The following DCHS2 variants were observed in gnomAD, a reference collection of about 807,000 sequenced individuals.
DCHS2 encodes the protein dachsous cadherin-related 2.
In DCHS2, 142 loss-of-function variants were observed where a neutral mutation model predicts 182.4. The observed-to-expected ratio is 0.78, with a 90% confidence interval of 0.68 to 0.89. DCHS2 has a LOEUF of 0.89. DCHS2 is among the 40% of genes least tolerant of loss of function. DCHS2 has a pLI of 0.00. For missense variants in DCHS2, 4,319 were observed against 4,198.6 expected (o/e 1.03, Z -0.79); for synonymous variants, 1,740 against 1,663.3 (o/e 1.05, Z -1.12).
chr4:154,339,490 C>G (rs1728962715), intron 3 of DCHS2, among the ~76,000 whole-genome samples: 1 of 150,592 alleles, frequency 6.6e-6, no homozygotes, highest in African/African-American at 2.5e-5. Flanking sequence ...CACTCTGTTG[C>G]CCAGGCTGGA....
chr4:154,378,630 C>T (rs1186075996), intron 1 of DCHS2, among the ~76,000 whole-genome samples: 2 of 152,126 alleles, frequency 1.3e-5, no homozygotes, highest in African/African-American at 2.4e-5. Context: ...CACATACTTA[C>T]AACCTATAGG....
chr4:154,322,689 T>C, intron 7 of DCHS2: 1 of 618,576 alleles, frequency 1.6e-6, no homozygotes, highest in Non-Finnish European at 2.5e-6. Context: ...TACAAAAAAG[T>C]GGACAAAATG....
intron 10 of DCHS2, among the ~76,000 whole-genome samples, chr4:154,309,122 G>A (rs1283500944): frequency 2.0e-5 from 3 of 152,086 alleles, no homozygotes; most frequent in South Asian, 2.1e-4. Context: ...AACATACTAA[G>A]CATCTTTCTG....
Position 154,321,038 on chromosome 4 carries a change from A to G in DCHS2, c.4361T>C (p.Ile1454Thr). 6.2e-7 allele frequency: 1 copy of G among 1,613,614 alleles called. No individual in the cohort carries two copies. Among genetic ancestry groups the G allele is most frequent in the Non-Finnish European group, 8.5e-7 (1 of 1,179,714 alleles). ...AAACAAGTCTCCGGTTGAGCTGTCTATTTCAAAGTGTCCATCCTTATCATC... is the reference window on the plus strand; with the variant it reads ...AAACAAGTCTCCGGTTGAGCTGTCTGTTTCAAAGTGTCCATCCTTATCATC... Reference protein sequence around the residue: ...VADDKDGHFEIDSSTGDLFLS... With the variant: ...VADDKDGHFETDSSTGDLFLS... Residue 1454 changes from isoleucine to threonine, a missense_variant, in exon 9 of 20, where the codon ATA becomes ACA. By Grantham distance (89) the Ile-to-Thr change is moderately conservative. Coordinates refer to ENST00000357232, the MANE Select transcript of DCHS2 (RefSeq NM_001358235.2).
chr4:154,253,418 C>T (rs1452413323), intron 16 of DCHS2, among the ~76,000 whole-genome samples: 1 of 152,098 alleles, frequency 6.6e-6, no homozygotes, highest in Non-Finnish European at 1.5e-5. Context: ...AATTAGGTTC[C>T]ATTGAGTAAG....
chr4:154,346,213 A>G (rs558960410), intron 3 of DCHS2, among the ~76,000 whole-genome samples: 7 of 152,362 alleles, frequency 4.6e-5, no homozygotes, highest in Admixed American at 4.6e-4. Context: ...CATGTAGTCC[A>G]TAGCAGAAGA....
At chr4:154,378,106 C>T (rs1363426730) in intron 1 of DCHS2, among the ~76,000 whole-genome samples, 1 of 152,054 alleles carries the variant, frequency 6.6e-6, no homozygotes, top group Non-Finnish European at 1.5e-5. Context: ...ATGCTGTGCT[C>T]GCCAAAACAG....
At chr4:154,302,932 CGT>C (rs1377476425) in intron 12 of DCHS2, among the ~76,000 whole-genome samples, 7 of 93,904 alleles carry the variant, frequency 7.5e-5, no homozygotes, top group East Asian at 3.5e-4. Context: ...AATAGATATA[CGT>C]ATACACACAC....
chr4:154,258,153 A>T (rs1732791411), intron 15 of DCHS2, among the ~76,000 whole-genome samples: 1 of 152,128 alleles, frequency 6.6e-6, no homozygotes, highest in Non-Finnish European at 1.5e-5. Context: ...CAGGGTAAAG[A>T]CACAGCACAT....
At chr4:154,357,423 G>A (rs546757032) in intron 3 of DCHS2, 53 of 716,856 alleles carry the variant, frequency 7.4e-5, no homozygotes, top group African/African-American at 2.1e-4. Context: ...TCCAGGACAC[G>A]TAGCACTCTT....
intron 1 of DCHS2, among the ~76,000 whole-genome samples, chr4:154,401,646 T>C (rs920423256): frequency 2.0e-5 from 3 of 152,218 alleles, no homozygotes; most frequent in Admixed American, 2.0e-4. Flanking sequence ...GGTCTGGGCA[T>C]TTTGTTTCCT....
At chr4:154,254,347 T>C (rs1732539996) in intron 16 of DCHS2, among the ~76,000 whole-genome samples, 1 of 152,220 alleles carries the variant, frequency 6.6e-6, no homozygotes, top group Admixed American at 6.5e-5. Context: ...CAAACAGGCA[T>C]GCTGGATAAG....
chr4:154,348,786 C>T (rs1729472457), intron 3 of DCHS2, among the ~76,000 whole-genome samples: 1 of 151,908 alleles, frequency 6.6e-6, no homozygotes, highest in African/African-American at 2.4e-5. Context: ...TTCTGGCCTC[C>T]AGAACTGTTA....
intron 13 of DCHS2, among the ~76,000 whole-genome samples, chr4:154,297,011 G>A (rs960679090): frequency 2.6e-5 from 4 of 152,092 alleles, no homozygotes; most frequent in East Asian, 3.8e-4. Flanking sequence ...AGCAAAAAAT[G>A]AACAAACGAG....
At chr4:154,416,207 A>G (rs533079519) in intron 1 of DCHS2, among the ~76,000 whole-genome samples, 1 of 152,248 alleles carries the variant, frequency 6.6e-6, no homozygotes, top group African/African-American at 2.4e-5. Flanking sequence ...TCCCACAGGA[A>G]GAGAGCCCAG....
At chr4:154,370,692 C>T (rs1730603575) in intron 2 of DCHS2, among the ~76,000 whole-genome samples, 1 of 152,096 alleles carries the variant, frequency 6.6e-6, no homozygotes, top group South Asian at 2.1e-4. Flanking sequence ...AGCTGATACG[C>T]AGGTAGGTTA....
At chr4:154,392,733 C>T (rs1731763976) in intron 1 of DCHS2, among the ~76,000 whole-genome samples, 1 of 152,208 alleles carries the variant, frequency 6.6e-6, no homozygotes, top group Non-Finnish European at 1.5e-5. Flanking sequence ...TTTTACAGAA[C>T]TGTATATTTA....
chr4:154,357,313 GACTATAGAGT>G, intron 3 of DCHS2: 1 of 1,610,468 alleles, frequency 6.2e-7, no homozygotes, highest in Non-Finnish European at 8.5e-7. Flanking sequence ...TCTACCTCTG[GACTATAGAGT>G]CCTAATTAGG....
chr4:154,364,210 G>A (rs1042895992), intron 3 of DCHS2, among the ~76,000 whole-genome samples: 2 of 152,148 alleles, frequency 1.3e-5, no homozygotes, highest in Non-Finnish European at 2.9e-5. Context: ...TGCTATAGTC[G>A]CTGCCAGGAA....
Sources: allele counts gnomAD v4.1 joint callset (sites outside exome capture counted in the v4.1 genomes callset), GRCh38; gene constraint gnomAD v4.1.1; transcripts MANE v1.5; gene names NCBI Gene and HGNC (gene_info 2026-07-23, HGNC 2026-07-21).